The following SLC28A1 variants were observed in gnomAD, a reference collection of about 807,000 sequenced individuals.
The protein encoded by SLC28A1 is solute carrier family 28 member 1, also known as sodium/nucleoside cotransporter 1.
SLC28A1 carries 64 observed loss-of-function variants against 74.8 expected under a neutral mutation model. The ratio of observed to expected loss-of-function variants is 0.86; its 90% CI spans 0.70 to 1.05. SLC28A1 has a LOEUF of 1.05. Ranked by LOEUF, SLC28A1 falls within the 50% of genes least tolerant of loss-of-function variation. The pLI is 0.00. For synonymous variants in SLC28A1, 359 were observed against 335.0 expected (o/e 1.07, Z -0.78); for missense variants, 828 against 822.8 (o/e 1.01, Z -0.08).
rs10438431 is a variant in SLC28A1 at position 84,937,630 on chromosome 15, G to A, written c.1581+2112G>A. On this transcript the variant is annotated intron_variant, in intron 15 of 18. Coordinates refer to ENST00000394573, the MANE Select transcript of SLC28A1 (RefSeq NM_004213.5). ...AAAAAGAAAGTTTGTGGCCAGGCACGGTGGCTCACACCTGTAATCCCAGCA... is the reference window on the plus strand; with the variant it reads ...AAAAAGAAAGTTTGTGGCCAGGCACAGTGGCTCACACCTGTAATCCCAGCA... Among the ~76,000 whole-genome samples, 1,084 of 152,226 alleles carry A rather than the reference G, an allele frequency of 7.1e-3. 17 individuals carry two copies. The highest frequency in any genetic ancestry group is 0.025 in the African/African-American group (1,040 of 41,522).
At chr15:84,953,172 G>C in the SLC28A1 span, among the ~76,000 whole-genome samples, 1 of 152,210 alleles carries the variant, frequency 6.6e-6, no homozygotes, top group Non-Finnish European at 1.5e-5. Flanking sequence ...TTATTTCAGT[G>C]TCAGCTGCTC....
At chr15:84,948,024 C>T (rs2079292282), downstream of SLC28A1, among the ~76,000 whole-genome samples, 1 of 152,118 alleles carries the variant, frequency 6.6e-6, no homozygotes, top group African/African-American at 2.4e-5. Flanking sequence ...GACACAGATG[C>T]TGTATAACTT....
At chr15:84,951,634 C>T in the SLC28A1 span, among the ~76,000 whole-genome samples, 1 of 152,012 alleles carries the variant, frequency 6.6e-6, no homozygotes, top group Admixed American at 6.6e-5. Flanking sequence ...TGCCTCTTTC[C>T]TGCGGGGATC....
Position 84,944,574 on chromosome 15 carries a change from G to C in SLC28A1, c.1672G>C (p.Val558Leu). 3 of 1,613,132 alleles carry C rather than the reference G, an allele frequency of 1.9e-6. No homozygotes were observed. Among genetic ancestry groups the C allele is most frequent in the Non-Finnish European group, 2.5e-6 (3 of 1,179,114 alleles). ...GIMLGGLTSMVPQRKSDFSQI... is the reference protein window; with the variant it reads ...GIMLGGLTSMLPQRKSDFSQI... ...CTTCTGTCCCCTTGCAGCCTCCATG[G>C]TCCCCCAACGGAAGAGCGACTTCTC... is the stretch of plus-strand genomic sequence containing the variant. Residue 558 changes from valine (V) to leucine (L), a missense_variant, in exon 17 of 19, where the codon GTC (valine) becomes CTC (leucine). This residue lies in a region of SLC28A1 where 767 missense variants were observed against 753.5 expected (regional missense o/e 1.02). Coordinates refer to ENST00000394573, the MANE Select transcript of SLC28A1 (RefSeq NM_004213.5).
Position 84,918,562 on chromosome 15 carries a change from C to G in SLC28A1, c.834C>G (p.Ser278=). 1 of 1,613,996 alleles carries G rather than the reference C, an allele frequency of 6.2e-7. No individual in the cohort carries two copies. Among genetic ancestry groups the G allele is most frequent in the Non-Finnish European group, 8.5e-7 (1 of 1,179,944 alleles). Residue 278 remains serine, a synonymous_variant, in exon 10 of 19, where the codon TCC becomes TCG. Transcript: ENST00000394573. ...TTGTCTTTTTCAGCTGTGTCATATC[C>G]GTTCTCTACCACGTGGGCCTCATGC... is the stretch of plus-strand genomic sequence containing the variant. ...PIIVFFSCVI[S]VLYHVGLMQW...
At position 84,918,576 on chromosome 15, in the gene SLC28A1, TG is replaced by T; in HGVS notation, c.851del (p.Gly284AlafsTer6). 6.2e-7 allele frequency: 1 copy of T among 1,613,884 alleles called. No homozygotes were observed. Among genetic ancestry groups the T allele is most frequent in the South Asian group, 1.1e-5 (1 of 91,082 alleles). ...TGTGTCATATCCGTTCTCTACCACGTGGGCCTCATGCAGTGGGTGATCCTGA... is the reference window on the plus strand; with the variant it reads ...TGTGTCATATCCGTTCTCTACCACGTGGCCTCATGCAGTGGGTGATCCTGA... ...FSCVISVLYH[V>X]GLMQWVILKI... On this transcript the variant is annotated frameshift_variant, in exon 10 of 19. Coordinates refer to ENST00000394573, the MANE Select transcript of SLC28A1 (RefSeq NM_004213.5). LOFTEE classifies it high-confidence loss of function.
intron 9 of SLC28A1, 116 bp downstream of exon 9, chr15:84,908,911 A>C: frequency 1.2e-6 from 1 of 840,266 alleles, no homozygotes; most frequent in Non-Finnish European, 2.0e-6. Flanking sequence ...CTGTGGGCAG[A>C]GGTCGCCGTA....
At chr15:84,886,360 G>A in intron 1 of SLC28A1, 1 of 984,270 alleles carries the variant, frequency 1.0e-6, no homozygotes, top group Non-Finnish European at 1.2e-6. Context: ...CCTGGCTGGG[G>A]AAAGGAGGCC....
chr15:84,894,933 C>T lies in SLC28A1; in HGVS notation c.278-7C>T. Reference sequence around the variant, plus strand: ...GCTGTTGACCCCTCCTCTGTCTCATCCCCCAGGGCTCTCTGCCTTCCTGCT... The same window carrying T: ...GCTGTTGACCCCTCCTCTGTCTCATTCCCCAGGGCTCTCTGCCTTCCTGCT... On this transcript the variant is annotated splice_polypyrimidine_tract_variant and splice_region_variant and intron_variant, in intron 5 of 18. Coordinates refer to ENST00000394573, the MANE Select transcript of SLC28A1 (RefSeq NM_004213.5). 6.2e-7 allele frequency: 1 copy of T among 1,613,904 alleles called. No homozygotes were observed. Among genetic ancestry groups the T allele is most frequent in the Non-Finnish European group, 8.5e-7 (1 of 1,179,900 alleles).
chr15:84,888,641 C>G lies in SLC28A1; in HGVS notation c.97-131C>G, dbSNP rs538862956. On this transcript the variant is annotated intron_variant, in intron 3 of 18. Coordinates refer to ENST00000394573, the MANE Select transcript of SLC28A1 (RefSeq NM_004213.5). Reference sequence around the variant, plus strand: ...TTGCAGAATCCAGTTTAGTAGCCTTCTAATTCCTCCCTGTGCCCCAGCCCA... The same window carrying G: ...TTGCAGAATCCAGTTTAGTAGCCTTGTAATTCCTCCCTGTGCCCCAGCCCA... 10 of 692,674 alleles carry G rather than the reference C, an allele frequency of 1.4e-5. No homozygotes were observed. In the East Asian group the frequency reaches 2.5e-4, roughly 17 times the overall value. 42.9% of individuals were successfully genotyped at this position (692,674 alleles called of 1,614,324 possible).
rs139607863 is a variant in SLC28A1 at position 84,936,244 on chromosome 15, T to TTTTGGTTTGG, written c.1581+745_1581+754dup. 2.2e-3 allele frequency among the ~76,000 whole-genome samples: 317 copies of TTTTGGTTTGG among 147,188 alleles called. 1 individual carries two copies. The highest frequency in any genetic ancestry group is 3.3e-3 in the Non-Finnish European group (219 of 66,738). The stretch of plus-strand genomic sequence containing the variant: ...AAGCGTGAGCCACTGCGCCCGGCTG[T>TTTTGGTTTGG]TTTGGTTTGGTTTGGTTTGGTTTGG... On this transcript the variant is annotated intron_variant, in intron 15 of 18. Coordinates refer to ENST00000394573, the MANE Select transcript of SLC28A1 (RefSeq NM_004213.5).
At chr15:84,936,019 A>G (rs1320032320) in intron 15 of SLC28A1, among the ~76,000 whole-genome samples, 1 of 121,436 alleles carries the variant, frequency 8.2e-6, no homozygotes, top group Admixed American at 1.0e-4. Flanking sequence ...CAGTGGCTCG[A>G]TCTCGGCTCA....
At chr15:84,952,870 A>C in the SLC28A1 span, among the ~76,000 whole-genome samples, 1 of 152,218 alleles carries the variant, frequency 6.6e-6, no homozygotes, top group African/African-American at 2.4e-5. Flanking sequence ...AAAAATAAAA[A>C]AAATTTTTAA....
At position 84,909,795 on chromosome 15, in the gene SLC28A1, C is replaced by T. The variant is rs151215042; in HGVS notation, c.795+1000C>T. ...GGCACTGAGAGGGAAATCAGGGCTG[C>T]CCACTCTGGTACATCCGGGACCGCC... is the stretch of plus-strand genomic sequence containing the variant. On this transcript the variant is annotated intron_variant, in intron 9 of 18. Transcript: ENST00000394573. 4.7e-3 allele frequency among the ~76,000 whole-genome samples: 712 copies of T among 152,336 alleles called. 4 individuals are homozygous for T. The highest frequency in any genetic ancestry group is 0.016 in the African/African-American group (683 of 41,580).
chr15:84,924,149 C>A (rs549735043), intron 12 of SLC28A1, 39 bp downstream of exon 12: 2 of 1,603,810 alleles, frequency 1.2e-6, no homozygotes, highest in South Asian at 2.2e-5. Flanking sequence ...ATGTTGAGGA[C>A]CTGAAGCCCA....
chr15:84,898,632 G>A (rs1266736336), intron 6 of SLC28A1, among the ~76,000 whole-genome samples: 1 of 151,778 alleles, frequency 6.6e-6, no homozygotes, highest in African/African-American at 2.4e-5. Flanking sequence ...TTAAGATGTG[G>A]TAACAGAGAC....
At chr15:84,908,214 C>T (rs1324234684) in intron 8 of SLC28A1, among the ~76,000 whole-genome samples, 2 of 115,688 alleles carry the variant, frequency 1.7e-5, no homozygotes, top group African/African-American at 3.4e-5. Flanking sequence ...GACAGAGTCT[C>T]GCTCTGTTGC....
chr15:84,925,189 T>G (rs1457337649), intron 12 of SLC28A1, among the ~76,000 whole-genome samples: 2 of 150,602 alleles, frequency 1.3e-5, no homozygotes, highest in Non-Finnish European at 2.9e-5. Context: ...AAAGTGCTGG[T>G]ATTACAGGCA....
chr15:84,958,545 G>GT, the SLC28A1 span, among the ~76,000 whole-genome samples: 27 of 152,192 alleles, frequency 1.8e-4, no homozygotes, highest in Non-Finnish European at 2.9e-4. Flanking sequence ...TCCTCTTACA[G>GT]TTTTTTGTTT....
Sources: gnomAD v4.1 joint callset for allele counts (sites outside exome capture counted in the v4.1 genomes callset) on GRCh38, gnomAD v4.1.1 for gene constraint, gnomAD v4.1.1 regional missense constraint, MANE v1.5 for transcripts, NCBI Gene and HGNC (gene_info 2026-07-23, HGNC 2026-07-21) for gene names.